CDH4: variants seen among roughly 807,000 people sequenced by gnomAD.
CDH4 encodes the protein cadherin-4.
A neutral mutation model predicts 86.0 loss-of-function variants in CDH4; 33 were observed. That is an observed-to-expected ratio of 0.38 (90% CI 0.29 to 0.51). CDH4 has a LOEUF of 0.51. CDH4 is among the 20% of genes least tolerant of loss of function. CDH4 has a pLI of 0.86. For synonymous variants in CDH4, 555 were observed against 549.4 expected (o/e 1.01, Z -0.14); for missense variants, 1,114 against 1,307.4 (o/e 0.85, Z 2.28).
Position 61,410,757 on chromosome 20 carries a change from T to G in CDH4, c.169+155820T>G, listed in dbSNP as rs559640590. The stretch of plus-strand genomic sequence containing the variant: ...TCCATTCCTCTCACTGGTCCATCTA[T>G]CCATCCATTCATCCATCTGTCAGTC... On this transcript the variant is annotated intron_variant, in intron 2 of 15. Transcript: ENST00000614565. Among the ~76,000 whole-genome samples, 3 of 152,076 alleles carry G rather than the reference T, an allele frequency of 2.0e-5. No homozygotes were observed. The East Asian group carries it at 5.8e-4, about 30-fold the overall frequency.
At chr20:61,716,250 A>G (rs111656265) in intron 2 of CDH4, among the ~76,000 whole-genome samples, 4,582 of 137,410 alleles carry the variant, frequency 0.033, 270 homozygotes, top group African/African-American at 0.11. Context: ...CTATAAAGGG[A>G]CAGATGCTCC....
chr20:61,295,812 C>T (rs1416391797), intron 2 of CDH4, among the ~76,000 whole-genome samples: 2 of 152,196 alleles, frequency 1.3e-5, no homozygotes, highest in Non-Finnish European at 2.9e-5. Flanking sequence ...TGTGTCCACT[C>T]ACTCACTCCC....
chr20:61,495,778 T>C (rs1460357784), intron 2 of CDH4, among the ~76,000 whole-genome samples: 1 of 151,448 alleles, frequency 6.6e-6, no homozygotes, highest in Admixed American at 6.6e-5. Context: ...TTGCAAGCAC[T>C]TGTAATCCCA....
chr20:61,335,589 A>G (rs66572927), intron 2 of CDH4, among the ~76,000 whole-genome samples: 19,693 of 152,232 alleles, frequency 0.13, 1,643 homozygotes, highest in East Asian at 0.32. Context: ...TCCATGACTC[A>G]TTCAGATTTC....
intron 2 of CDH4, among the ~76,000 whole-genome samples, chr20:61,587,205 T>G: frequency 6.8e-6 from 1 of 148,018 alleles, no homozygotes; most frequent in African/African-American, 2.5e-5. Flanking sequence ...CAGGGGAGAG[T>G]GGGAAACCCA....
intron 4 of CDH4, among the ~76,000 whole-genome samples, chr20:61,815,214 G>C (rs1328205134): frequency 2.0e-5 from 3 of 152,180 alleles, no homozygotes; most frequent in Non-Finnish European, 4.4e-5. Flanking sequence ...ACGAAGTCCT[G>C]TCTAACCCCA....
At chr20:61,732,410 G>A (rs138121958) in intron 2 of CDH4, among the ~76,000 whole-genome samples, 5 of 152,168 alleles carry the variant, frequency 3.3e-5, no homozygotes, top group South Asian at 2.1e-4. Flanking sequence ...TGGGGCTCCC[G>A]GAGCCCACAG....
At chr20:61,360,997 A>C (rs2084780355) in intron 2 of CDH4, among the ~76,000 whole-genome samples, 1 of 151,916 alleles carries the variant, frequency 6.6e-6, no homozygotes, top group African/African-American at 2.4e-5. Context: ...AGAGAATCAC[A>C]GTTTCCAAAA....
intron 9 of CDH4, 28 bp from the exon 10 acceptor site, chr20:61,923,423 C>G (rs754715537): frequency 1.9e-6 from 3 of 1,609,536 alleles, no homozygotes; most frequent in Non-Finnish European, 2.5e-6. Flanking sequence ...TGTGCCAGGT[C>G]ACTCCCAGCC....
At chr20:61,448,035 G>A (rs981128155) in intron 2 of CDH4, among the ~76,000 whole-genome samples, 2 of 152,058 alleles carry the variant, frequency 1.3e-5, no homozygotes, top group Admixed American at 6.5e-5. Context: ...TTTCTTGTTC[G>A]TCCCTGGGGC....
intron 4 of CDH4, among the ~76,000 whole-genome samples, chr20:61,835,695 C>T (rs536558766): frequency 6.6e-6 from 1 of 152,338 alleles, no homozygotes; most frequent in South Asian, 2.1e-4. Context: ...GTTCTAGGGG[C>T]TCTCCCTAGT....
chr20:61,877,318 A>C (rs1984071990), intron 7 of CDH4, among the ~76,000 whole-genome samples: 1 of 151,942 alleles, frequency 6.6e-6, no homozygotes, highest in Non-Finnish European at 1.5e-5. Context: ...AGGCGGGGCC[A>C]GCCTGCTCCC....
intron 2 of CDH4, among the ~76,000 whole-genome samples, chr20:61,438,336 T>C (rs1419809502): frequency 2.0e-5 from 3 of 152,234 alleles, no homozygotes; most frequent in Non-Finnish European, 4.4e-5. Flanking sequence ...TGAAAATCTA[T>C]ACCCCGTGCA....
chr20:61,361,861 C>T (rs889235171), intron 2 of CDH4, among the ~76,000 whole-genome samples: 5 of 152,194 alleles, frequency 3.3e-5, no homozygotes, highest in African/African-American at 1.2e-4. Context: ...CTCTCATGCC[C>T]AAGTACTGTT....
At chr20:61,910,127 CGTT>C (rs563164236) in intron 8 of CDH4, among the ~76,000 whole-genome samples, 59 of 152,192 alleles carry the variant, frequency 3.9e-4, no homozygotes, top group African/African-American at 1.3e-3. Context: ...TGTGAACACT[CGTT>C]GAGCTGGGCT....
At chr20:61,731,131 A>T (rs932351088) in intron 2 of CDH4, among the ~76,000 whole-genome samples, 4 of 152,142 alleles carry the variant, frequency 2.6e-5, no homozygotes, top group Admixed American at 2.6e-4. Flanking sequence ...GGGTCCTCTC[A>T]TCTGCAGAGC....
intron 3 of CDH4, among the ~76,000 whole-genome samples, chr20:61,763,408 G>A (rs765877474): frequency 6.6e-6 from 1 of 152,166 alleles, no homozygotes; most frequent in Admixed American, 6.5e-5. Flanking sequence ...CTATTCAAGA[G>A]GACTGCTCTG....
intron 2 of CDH4, among the ~76,000 whole-genome samples, chr20:61,669,217 C>T (rs1355887673): frequency 1.3e-5 from 2 of 152,236 alleles, no homozygotes; most frequent in Admixed American, 1.3e-4. Context: ...TCCCCAAAGA[C>T]ATGTGACTGT....
chr20:61,520,607 A>G (rs1187828643), intron 2 of CDH4, among the ~76,000 whole-genome samples: 1 of 152,236 alleles, frequency 6.6e-6, no homozygotes, highest in Non-Finnish European at 1.5e-5. Flanking sequence ...TGGATCAGGC[A>G]CCAGGCTTGG....
Sources: gnomAD v4.1 joint callset for allele counts (sites outside exome capture counted in the v4.1 genomes callset) on GRCh38, gnomAD v4.1.1 for gene constraint, MANE v1.5 for transcripts, NCBI Gene and HGNC (gene_info 2026-07-23, HGNC 2026-07-21) for gene names.